LRRC8C: variants seen among roughly 807,000 people sequenced by gnomAD.
The protein encoded by LRRC8C is leucine rich repeat containing 8 VRAC subunit C, also known as volume-regulated anion channel subunit LRRC8C.
LRRC8C carries 20 observed loss-of-function variants against 55.3 expected under a neutral mutation model. The observed-to-expected ratio is 0.36, with a 90% CI of 0.25 to 0.53. LRRC8C has a LOEUF of 0.53. Among genes scored for constraint, LRRC8C ranks in the 20% least tolerant of loss-of-function variants. The pLI is 0.92. For missense variants in LRRC8C, 659 were observed against 951.4 expected (o/e 0.69, Z 4.04); for synonymous variants, 376 against 360.7 (o/e 1.04, Z -0.48).
chr1:89,678,528 C>G (rs1355941990), intron 1 of LRRC8C, among the ~76,000 whole-genome samples: 1 of 152,014 alleles, frequency 6.6e-6, no homozygotes, highest in African/African-American at 2.4e-5. Context: ...TGGAGAAACC[C>G]CGTCTCTACT....
chr1:89,681,480 C>T (rs868393896), intron 1 of LRRC8C, among the ~76,000 whole-genome samples: 17 of 152,142 alleles, frequency 1.1e-4, no homozygotes, highest in African/African-American at 3.6e-4. Flanking sequence ...TCTGTCCTCA[C>T]GCTGCTAATA....
intron 1 of LRRC8C, among the ~76,000 whole-genome samples, chr1:89,677,222 A>G (rs1169678317): frequency 6.6e-6 from 1 of 152,238 alleles, no homozygotes; most frequent in Non-Finnish European, 1.5e-5. Context: ...GTTAAGCTCA[A>G]CTTGAAGACT....
chr1:89,681,316 A>G (rs948322726), intron 1 of LRRC8C, among the ~76,000 whole-genome samples: 2 of 152,236 alleles, frequency 1.3e-5, no homozygotes, highest in African/African-American at 2.4e-5. Context: ...CAAAAGGTCT[A>G]TCTACCTTCT....
intron 2 of LRRC8C, among the ~76,000 whole-genome samples, chr1:89,704,931 C>G (rs1658432802): frequency 6.6e-6 from 1 of 151,810 alleles, no homozygotes; most frequent in Admixed American, 6.6e-5. Flanking sequence ...GGGTATATAC[C>G]CAAAGGACTA....
At chr1:89,694,815 T>G (rs1388256093) in intron 2 of LRRC8C, among the ~76,000 whole-genome samples, 2 of 151,850 alleles carry the variant, frequency 1.3e-5, no homozygotes, top group African/African-American at 4.8e-5. Flanking sequence ...CTCAAACTTC[T>G]GACCTCAAGT....
chr1:89,680,308 A>T (rs1316865203), intron 1 of LRRC8C, among the ~76,000 whole-genome samples: 2 of 152,010 alleles, frequency 1.3e-5, no homozygotes, highest in Non-Finnish European at 2.9e-5. Flanking sequence ...CGATCTCCTG[A>T]CCTTGTGATC....
chr1:89,616,356 A>C, the LRRC8C span, among the ~76,000 whole-genome samples: 1,498 of 152,318 alleles, frequency 9.8e-3, 12 homozygotes, highest in Non-Finnish European at 0.016. Context: ...AGACAGAGTT[A>C]ATTCAGGGGC....
rs149925342 is a variant in LRRC8C at position 89,643,171 on chromosome 1, A to C, written c.-5+9849A>C. Among the ~76,000 whole-genome samples the C allele has an allele frequency of 2.4e-4, 37 of 152,316 alleles. 1 individual carries two copies. The East Asian group carries it at 7.1e-3, about 29-fold the overall frequency. The stretch of plus-strand genomic sequence containing the variant: ...CAATGGCACAATCTTGGCTCACTAC[A>C]ACCTCTACCTCTGAGACTCAAGCCA... On this transcript the variant is annotated intron_variant, in intron 1 of 2. Coordinates refer to ENST00000370454, the MANE Select transcript of LRRC8C (RefSeq NM_032270.5).
At chr1:89,636,904 A>T (rs942191589) in intron 1 of LRRC8C, among the ~76,000 whole-genome samples, 3 of 152,288 alleles carry the variant, frequency 2.0e-5, no homozygotes, top group Admixed American at 2.0e-4. Context: ...GGGATTTTTA[A>T]AAAATTTCTT....
upstream of LRRC8C, among the ~76,000 whole-genome samples, chr1:89,631,080 T>C (rs1656093971): frequency 2.0e-5 from 3 of 152,226 alleles, no homozygotes; most frequent in African/African-American, 7.2e-5. Context: ...ACCTTTTTGC[T>C]ATTCCTGGTT....
intron 2 of LRRC8C, among the ~76,000 whole-genome samples, chr1:89,692,191 G>A (rs1193915715): frequency 6.6e-6 from 1 of 152,128 alleles, no homozygotes; most frequent in Non-Finnish European, 1.5e-5. Context: ...TGTTAAAATT[G>A]TTAAAATATA....
At chr1:89,639,884 G>A (rs908855039) in intron 1 of LRRC8C, among the ~76,000 whole-genome samples, 1 of 152,110 alleles carries the variant, frequency 6.6e-6, no homozygotes, top group African/African-American at 2.4e-5. Flanking sequence ...CTTCTTAATA[G>A]GGACATTAAG....
intron 1 of LRRC8C, among the ~76,000 whole-genome samples, chr1:89,674,852 A>G (rs1265738730): frequency 1.3e-5 from 2 of 152,248 alleles, no homozygotes; most frequent in African/African-American, 2.4e-5. Flanking sequence ...GAAGATAAAA[A>G]TGATCATACT....
Position 89,715,003 on chromosome 1 carries a change from G to T in LRRC8C, c.*21G>T. On this transcript the variant is annotated 3_prime_UTR_variant, in exon 3 of 3. Coordinates refer to ENST00000370454, the MANE Select transcript of LRRC8C (RefSeq NM_032270.5). ...AATAACTTATTTTTCGTTAAAGTTT[G>T]ACTGAAACACGCTTCTACCAAATAC... 1.3e-6 allele frequency: 2 copies of T among 1,514,858 alleles called. No homozygotes were observed. The highest frequency in any genetic ancestry group is 2.6e-5 in the South Asian group (2 of 78,384). 93.8% of individuals were successfully genotyped at this position (1,514,858 alleles called of 1,614,324 possible).
upstream of LRRC8C, among the ~76,000 whole-genome samples, chr1:89,631,186 T>C (rs1656097063): frequency 6.6e-6 from 1 of 152,198 alleles, no homozygotes; most frequent in Non-Finnish European, 1.5e-5. Flanking sequence ...GCTTTGAGCA[T>C]ATTAGCTAAT....
chr1:89,682,341 TTATTTCCCATATTAAAAGCATG>T (rs1393778983), intron 1 of LRRC8C, among the ~76,000 whole-genome samples: 1 of 152,186 alleles, frequency 6.6e-6, no homozygotes, highest in Non-Finnish European at 1.5e-5. Flanking sequence ...TAGTTTGACT[TTATTTCCCATATTAAAAGCATG>T]AGGTCTGTGA....
At chr1:89,664,954 G>A (rs1657217939) in intron 1 of LRRC8C, among the ~76,000 whole-genome samples, 1 of 152,124 alleles carries the variant, frequency 6.6e-6, no homozygotes, top group South Asian at 2.1e-4. Flanking sequence ...TATTATTGCT[G>A]TATAGGAATG....
chr1:89,687,858 A>G (rs546166499), intron 2 of LRRC8C, among the ~76,000 whole-genome samples: 1 of 152,336 alleles, frequency 6.6e-6, no homozygotes, highest in East Asian at 1.9e-4. Flanking sequence ...TATAGGGAGA[A>G]AGAGAAATCA....
chr1:89,666,213 C>T (rs1431280686), intron 1 of LRRC8C, among the ~76,000 whole-genome samples: 2 of 152,072 alleles, frequency 1.3e-5, no homozygotes, highest in Non-Finnish European at 2.9e-5. Context: ...ATGTACATTC[C>T]CTTCTTGCAG....
Sources: gnomAD v4.1 joint callset for allele counts (sites outside exome capture counted in the v4.1 genomes callset) on GRCh38, gnomAD v4.1.1 for gene constraint, MANE v1.5 for transcripts, NCBI Gene and HGNC (gene_info 2026-07-23, HGNC 2026-07-21) for gene names.